SDK1: variants seen among roughly 807,000 people sequenced by gnomAD.
SDK1 encodes the protein sidekick cell adhesion molecule 1, also known as protein sidekick-1.
A neutral mutation model predicts 245.5 loss-of-function variants in SDK1; 157 were observed. That is an observed-to-expected ratio of 0.64 (90% CI 0.56 to 0.73). The LOEUF (loss-of-function observed/expected upper bound fraction) is 0.73, where lower values mean the gene tolerates loss of function less well. Among genes scored for constraint, SDK1 ranks in the 30% least tolerant of loss-of-function variants. The pLI, the probability that SDK1 is intolerant of heterozygous loss-of-function variation, is 0.00. For missense variants in SDK1, 3,583 were observed against 3,002.3 expected, an observed-to-expected ratio of 1.19 and a Z score of -4.52; for synonymous variants, 1,647 against 1,278.5, an observed-to-expected ratio of 1.29 and a Z score of -6.15.
intron 5 of SDK1, among the ~76,000 whole-genome samples, chr7:3,874,432 T>C (rs1301371582): frequency 2.0e-5 from 3 of 152,094 alleles, no homozygotes; most frequent in Non-Finnish European, 2.9e-5. Flanking sequence ...TGTGCAGGGA[T>C]TGAGGGCATT....
intron 35 of SDK1, among the ~76,000 whole-genome samples, chr7:4,182,068 C>T (rs982453700): frequency 4.6e-5 from 7 of 152,272 alleles, no homozygotes; most frequent in Non-Finnish European, 7.3e-5. Flanking sequence ...TACAGGCGCC[C>T]GCCACCACGC....
chr7:4,264,225 C>T (rs111360511), intron 44 of SDK1, among the ~76,000 whole-genome samples: 4 of 61,942 alleles, frequency 6.5e-5, no homozygotes, highest in African/African-American at 3.0e-4. Context: ...CCGCGTAGAC[C>T]TCTCCTGAGT....
chr7:4,230,490 G>A (rs894848406), intron 40 of SDK1, among the ~76,000 whole-genome samples: 3 of 146,720 alleles, frequency 2.0e-5, no homozygotes, highest in Non-Finnish European at 4.5e-5. Context: ...AAGGAGGGAG[G>A]GAAGGAAGGA....
intron 1 of SDK1, among the ~76,000 whole-genome samples, chr7:3,455,050 G>C (rs2128592944): frequency 6.6e-6 from 1 of 151,658 alleles, no homozygotes; most frequent in East Asian, 1.9e-4. Flanking sequence ...ATATCTTGTG[G>C]CTTTAATTCA....
At chr7:3,462,794 A>G (rs1780874216) in intron 1 of SDK1, among the ~76,000 whole-genome samples, 1 of 152,048 alleles carries the variant, frequency 6.6e-6, no homozygotes, top group South Asian at 2.1e-4. Flanking sequence ...TTCTTGGCCA[A>G]CTGTAGTAGA....
chr7:3,669,407 C>T (rs1224934893), intron 4 of SDK1, among the ~76,000 whole-genome samples: 1 of 152,152 alleles, frequency 6.6e-6, no homozygotes, highest in Non-Finnish European at 1.5e-5. Context: ...TGAAGATCTA[C>T]TTCTGCTCCC....
chr7:3,426,374 G>T (rs1265246522), intron 1 of SDK1, among the ~76,000 whole-genome samples: 1 of 152,232 alleles, frequency 6.6e-6, no homozygotes, highest in African/African-American at 2.4e-5. Flanking sequence ...CAGGTTGTAG[G>T]TGTGGAGTTG....
chr7:3,410,136 A>G (rs781734847), intron 1 of SDK1, among the ~76,000 whole-genome samples: 87 of 152,220 alleles, frequency 5.7e-4, no homozygotes, highest in Non-Finnish European at 1.1e-3. Context: ...TCACATTTTA[A>G]TTCAGTATCC....
intron 5 of SDK1, among the ~76,000 whole-genome samples, chr7:3,945,899 T>TGAAAAA (rs1780556848): frequency 7.3e-5 from 1 of 13,678 alleles, no homozygotes; most frequent in African/African-American, 1.6e-4. Flanking sequence ...ACTCTGTCTG[T>TGAAAAA]AAAAAAAAAA....
At chr7:3,325,203 A>G (rs1167231411) in intron 1 of SDK1, among the ~76,000 whole-genome samples, 1 of 152,098 alleles carries the variant, frequency 6.6e-6, no homozygotes, top group Admixed American at 6.6e-5. Flanking sequence ...ACCATAGACC[A>G]TATGTTAAAC....
chr7:3,623,507 C>T (rs1349570026), intron 2 of SDK1, among the ~76,000 whole-genome samples: 3 of 152,058 alleles, frequency 2.0e-5, no homozygotes, highest in Admixed American at 1.3e-4. Flanking sequence ...TCCCAAAGTG[C>T]TGGGATTACA....
intron 5 of SDK1, among the ~76,000 whole-genome samples, chr7:3,854,047 A>AACCTGT (rs146338495): frequency 1.1e-3 from 161 of 152,300 alleles, no homozygotes; most frequent in African/African-American, 3.6e-3. Flanking sequence ...AGGGATGCTC[A>AACCTGT]ACCTGTATTT....
chr7:3,673,053 A>G (rs1439913740), intron 4 of SDK1, among the ~76,000 whole-genome samples: 1 of 151,972 alleles, frequency 6.6e-6, no homozygotes, highest in African/African-American at 2.4e-5. Flanking sequence ...GCTGATAGTA[A>G]ATAAATACTT....
intron 28 of SDK1, among the ~76,000 whole-genome samples, chr7:4,138,575 C>T (rs545181703): frequency 6.6e-6 from 1 of 151,982 alleles, no homozygotes; most frequent in African/African-American, 2.4e-5. Context: ...GGTGAAACCC[C>T]GTTTCTACTA....
intron 19 of SDK1, among the ~76,000 whole-genome samples, chr7:4,063,430 T>C (rs1779669587): frequency 6.6e-6 from 1 of 151,456 alleles, no homozygotes; most frequent in African/African-American, 2.4e-5. Flanking sequence ...ATACAAAACA[T>C]TGATGAAAGG....
chr7:4,012,192 C>T lies in SDK1; in HGVS notation c.2377C>T (p.Pro793Ser). 1 of 1,569,516 alleles carries T rather than the reference C, an allele frequency of 6.4e-7. No homozygotes were observed. Among genetic ancestry groups the T allele is most frequent in the Non-Finnish European group, 8.6e-7 (1 of 1,158,856 alleles). ...QSIMVQWQPP[P>S]ETEHNGVLRG... ...CATTATGGTCCAGTGGCAGCCACCC[C>T]CAGAAACAGAGCACAACGGGGTGTT... The change falls in exon 16 of 45, where the codon CCA (proline) becomes TCA (serine). Residue 793 changes from proline to serine, a missense_variant. By Grantham distance (74) the Pro-to-Ser change is moderately conservative (BLOSUM62 -1). Coordinates refer to ENST00000404826, the MANE Select transcript of SDK1 (RefSeq NM_152744.4).
chr7:3,767,372 CAAAT>C (rs1780283852), intron 4 of SDK1, among the ~76,000 whole-genome samples: 2 of 152,104 alleles, frequency 1.3e-5, no homozygotes, highest in African/African-American at 4.8e-5. Flanking sequence ...AAAGAACACA[CAAAT>C]AAACAAAAAA....
intron 14 of SDK1, among the ~76,000 whole-genome samples, chr7:3,990,116 CTG>C (rs1346923513): frequency 6.6e-6 from 1 of 152,262 alleles, no homozygotes; most frequent in Non-Finnish European, 1.5e-5. Context: ...GGAAGCCACT[CTG>C]TGAATCTGAA....
rs533454018 is a variant in SDK1, at chr7:3,752,163, G to T, written c.714-69287G>T. Among the ~76,000 whole-genome samples the T allele has an allele frequency of 4.6e-5, 7 of 152,268 alleles. No homozygotes were observed. In the South Asian group the frequency reaches 1.5e-3, roughly 32 times the overall value. ...TCATCTTGCACAACCTGATAGGTGA[G>T]CCTGAAATTGGCTCTGTTAACTGTT... is the stretch of plus-strand genomic sequence containing the variant. On this transcript the variant is annotated intron_variant, in intron 4 of 44. Coordinates refer to ENST00000404826, the MANE Select transcript of SDK1 (RefSeq NM_152744.4).
Sources: gnomAD v4.1 joint callset for allele counts (sites outside exome capture counted in the v4.1 genomes callset) on GRCh38, gnomAD v4.1.1 for gene constraint, MANE v1.5 for transcripts, NCBI Gene and HGNC (gene_info 2026-07-23, HGNC 2026-07-21) for gene names.